The following DLGAP1 variants were observed in gnomAD, a reference collection of about 807,000 sequenced individuals.
DLGAP1 encodes disks large-associated protein 1.
Under a neutral mutation model 90.8 loss-of-function variants are expected in DLGAP1, and 11 were observed. The ratio of observed to expected loss-of-function variants is 0.12; its 90% CI spans 0.08 to 0.20. DLGAP1 has a LOEUF of 0.20. Among genes scored for constraint, DLGAP1 ranks in the 10% least tolerant of loss-of-function variants. The probability of loss-of-function intolerance (pLI) is 1.00; values close to 1 mark genes in which losing one functional copy is unlikely to be tolerated. For missense variants in DLGAP1, 1,050 were observed against 1,333.8 expected (o/e 0.79, Z 3.31); for synonymous variants, 558 against 540.7 (o/e 1.03, Z -0.44).
chr18:3,658,290 G>A (rs1445224589), intron 7 of DLGAP1, among the ~76,000 whole-genome samples: 1 of 152,148 alleles, frequency 6.6e-6, no homozygotes, highest in Non-Finnish European at 1.5e-5. Flanking sequence ...TTATCTAATT[G>A]TAAGTTACAC....
intron 3 of DLGAP1, among the ~76,000 whole-genome samples, chr18:3,889,629 ACCCTGTGGC>A (rs1160772310): frequency 9.2e-5 from 14 of 152,180 alleles, no homozygotes; most frequent in Non-Finnish European, 2.1e-4. Flanking sequence ...TCTCCTGGTG[ACCCTGTGGC>A]CAGGACTGTT....
intron 1 of DLGAP1, among the ~76,000 whole-genome samples, chr18:4,151,495 G>GA (rs1207652363): frequency 6.6e-6 from 1 of 151,432 alleles, no homozygotes; most frequent in Non-Finnish European, 1.5e-5. Context: ...CAATCACCCA[G>GA]AAAAAAAACA....
rs1315959306 is a variant in DLGAP1 at position 3,879,489 on chromosome 18, G to A, written c.580C>T (p.Arg194Trp). The A allele has an allele frequency of 5.0e-6, 8 of 1,604,384 alleles. No individual in the cohort carries two copies. Among genetic ancestry groups the A allele is most frequent in the Non-Finnish European group, 6.8e-6 (8 of 1,179,822 alleles). The stretch of plus-strand genomic sequence containing the variant: ...CACCAGCCCGGGGAGGTGCTGGGCC[G>A]GGCCTTGGGCTCCGCGCGCCGCTCC... ...SKERRAEPKARPSTSPGWWSS... is the reference protein window; with the variant it reads ...SKERRAEPKAWPSTSPGWWSS... Residue 194 changes from arginine (R) to tryptophan (W), a missense_variant, in exon 4 of 13, where the codon CGG (arginine) becomes TGG (tryptophan). Physicochemically the swap from Arg to Trp is moderately radical, Grantham distance 101 (BLOSUM62 -3). Transcript: ENST00000315677. This position sits in a 1 kb window ranked among gnomAD's most constrained non-coding sequence, Gnocchi z 6.6.
At position 3,614,039 on chromosome 18, in the gene DLGAP1, G is replaced by C. The variant is rs541278291; in HGVS notation, c.1592-31791C>G. ...CAGGTTCAAGCGATTCCCCTGCCTC[G>C]GCCTCCCAGGTAGCTGGGATTATAG... On this transcript the variant is annotated intron_variant, in intron 7 of 12. Coordinates refer to ENST00000315677, the MANE Select transcript of DLGAP1 (RefSeq NM_004746.4). Among the ~76,000 whole-genome samples the C allele has an allele frequency of 2.0e-5, 3 of 151,858 alleles. No individual in the cohort carries two copies. In the South Asian group the frequency reaches 6.2e-4, roughly 32 times the overall value.
chr18:3,593,409 T>G (rs934579458), intron 7 of DLGAP1, among the ~76,000 whole-genome samples: 8 of 152,148 alleles, frequency 5.3e-5, no homozygotes, highest in African/African-American at 1.9e-4. Flanking sequence ...TGGCGGTCAG[T>G]GGTGAGAAGG....
At chr18:3,742,898 G>C (rs1460847952) in intron 5 of DLGAP1, among the ~76,000 whole-genome samples, 1 of 151,814 alleles carries the variant, frequency 6.6e-6, no homozygotes, top group Admixed American at 6.6e-5. Context: ...GGACTGTTTG[G>C]TAACAGTAAG....
intron 8 of DLGAP1, among the ~76,000 whole-genome samples, chr18:3,569,184 T>C (rs920770395): frequency 3.3e-5 from 5 of 151,286 alleles, no homozygotes; most frequent in African/African-American, 9.7e-5. Flanking sequence ...GTATTTTTAG[T>C]AGAGATGGGA....
intron 4 of DLGAP1, among the ~76,000 whole-genome samples, chr18:3,820,296 G>A (rs935046662): frequency 6.6e-6 from 1 of 152,298 alleles, no homozygotes; most frequent in Non-Finnish European, 1.5e-5. Context: ...GCAGGCCTGT[G>A]CGATTCTGTG....
intron 4 of DLGAP1, among the ~76,000 whole-genome samples, chr18:3,844,253 G>C (rs1046798165): frequency 6.6e-6 from 1 of 152,222 alleles, no homozygotes. Flanking sequence ...TGAACCTAAA[G>C]TCTCTGATTT....
chr18:3,540,376 A>T (rs1374035222), intron 9 of DLGAP1, among the ~76,000 whole-genome samples: 1 of 148,776 alleles, frequency 6.7e-6, no homozygotes, highest in Admixed American at 6.8e-5. Context: ...CTAAGGCACG[A>T]GAATGGCTTG....
intron 2 of DLGAP1, among the ~76,000 whole-genome samples, chr18:4,085,162 A>C (rs7229466): frequency 0.28 from 43,108 of 152,094 alleles, 6,478 homozygotes; most frequent in African/African-American, 0.33. Context: ...TGGGTAAATA[A>C]AAAAGGTAAG....
intron 1 of DLGAP1, among the ~76,000 whole-genome samples, chr18:4,257,685 CACGA>C (rs886124160): frequency 2.0e-5 from 3 of 150,772 alleles, no homozygotes; most frequent in Admixed American, 6.6e-5. Context: ...AGTGCAGTGG[CACGA>C]TCTTGGCTCA....
intron 5 of DLGAP1, among the ~76,000 whole-genome samples, chr18:3,792,680 A>G (rs1031816639): frequency 2.0e-5 from 3 of 152,174 alleles, no homozygotes; most frequent in Non-Finnish European, 4.4e-5. Flanking sequence ...TGGCACCACC[A>G]TCTGCGGCCA....
At chr18:4,062,600 A>C (rs1338439303) in intron 2 of DLGAP1, among the ~76,000 whole-genome samples, 3 of 152,198 alleles carry the variant, frequency 2.0e-5, no homozygotes, top group African/African-American at 7.2e-5. Flanking sequence ...CCAATTTAAA[A>C]AGAAACTTAT....
intron 1 of DLGAP1, among the ~76,000 whole-genome samples, chr18:4,247,858 T>C (rs2078687689): frequency 6.6e-6 from 1 of 152,204 alleles, no homozygotes; most frequent in South Asian, 2.1e-4. Flanking sequence ...AAATGTCTTT[T>C]GGAAGGTCAC....
At chr18:3,602,149 G>T (rs2057074774) in intron 7 of DLGAP1, among the ~76,000 whole-genome samples, 1 of 152,194 alleles carries the variant, frequency 6.6e-6, no homozygotes, top group Admixed American at 6.5e-5. Context: ...TGACCTAAAA[G>T]TGTGTCTGCA....
At position 3,517,167 on chromosome 18, in the gene DLGAP1, C is replaced by T. The variant is rs566164002; in HGVS notation, c.2480-8506G>A. Among the ~76,000 whole-genome samples, 6 of 152,296 alleles carry T rather than the reference C, an allele frequency of 3.9e-5. No individual in the cohort carries two copies. The highest frequency in any genetic ancestry group is 5.9e-5 in the Non-Finnish European group (4 of 68,026). ...CAAATTTAGCATAATTTTTAAGGGC[C>T]GTAGGCTTTTCAGAATGGTAAATGA... On this transcript the variant is annotated intron_variant, in intron 10 of 12. Coordinates refer to ENST00000315677, the MANE Select transcript of DLGAP1 (RefSeq NM_004746.4). This position sits in a 1 kb window ranked among gnomAD's most constrained non-coding sequence, Gnocchi z 4.1.
intron 4 of DLGAP1, among the ~76,000 whole-genome samples, chr18:3,830,136 T>C (rs2067950814): frequency 6.6e-6 from 1 of 152,218 alleles, no homozygotes; most frequent in Non-Finnish European, 1.5e-5. Context: ...TACCAGCACC[T>C]AGCAAGGTGC....
At chr18:4,005,338 T>C (rs955993463) in intron 2 of DLGAP1, 137 bp from the exon 3 acceptor site, 4 of 152,232 alleles carry the variant, frequency 2.6e-5, no homozygotes, top group Non-Finnish European at 5.9e-5. Flanking sequence ...CTCAGATGTT[T>C]GAATCTTCAA....
Sources: gnomAD v4.1 joint callset for allele counts (sites outside exome capture counted in the v4.1 genomes callset) on GRCh38, gnomAD v4.1.1 for gene constraint, Gnocchi (gnomAD v3.1) non-coding constraint, MANE v1.5 for transcripts, NCBI Gene and HGNC (gene_info 2026-07-23, HGNC 2026-07-21) for gene names.